CENPK: variants seen among roughly 807,000 people sequenced by gnomAD.
CENPK encodes the protein SoxLZ/Sox6-binding protein Solt.
In CENPK, 46 loss-of-function variants were observed where a neutral mutation model predicts 40.9. The ratio of observed to expected loss-of-function variants is 1.13; its 90% confidence interval spans 0.89 to 1.44. The LOEUF (loss-of-function observed/expected upper bound fraction) is 1.44, where lower values mean the gene tolerates loss of function less well. Ranked by LOEUF, CENPK falls within the 40% of genes most tolerant of loss-of-function variation. The pLI is 0.00. For synonymous variants in CENPK, 107 were observed against 104.4 expected (o/e 1.02, Z -0.15); for missense variants, 288 against 303.5 (o/e 0.95, Z 0.38).
Position 65,539,504 on chromosome 5 carries a change from G to T in CENPK, c.288+3298C>A, listed in dbSNP as rs1203582650. The stretch of plus-strand genomic sequence containing the variant: ...GTCCCAATTAACTCCCAACACAATA[G>T]GGTAAACATTAAATCTTAAGGCCCA... On this transcript the variant is annotated intron_variant, in intron 6 of 10. Coordinates refer to ENST00000396679, the MANE Select transcript of CENPK (RefSeq NM_022145.5). Among the ~76,000 whole-genome samples the T allele has an allele frequency of 4.6e-5, 7 of 152,224 alleles. No homozygotes were observed. In the East Asian group the frequency reaches 1.3e-3, roughly 29 times the overall value.
At chr5:65,562,922 T>C (rs1193167988) in intron 1 of CENPK, 176 bp downstream of exon 1, 2 of 161,998 alleles carry the variant, frequency 1.2e-5, no homozygotes, top group African/African-American at 4.8e-5. Flanking sequence ...CATCTTTCTC[T>C]AAATATTGGT....
At chr5:65,520,902 T>C (rs1445936340) in intron 10 of CENPK, among the ~76,000 whole-genome samples, 3 of 152,212 alleles carry the variant, frequency 2.0e-5, no homozygotes, top group Non-Finnish European at 2.9e-5. Flanking sequence ...ACTGATAATA[T>C]GGTTGAGGTT....
rs1195775126 is a variant in CENPK at position 65,518,109 on chromosome 5, A to G, written c.*366T>C. The stretch of plus-strand genomic sequence containing the variant: ...TAATTTCTAAATATAAAGAAGCACC[A>G]GCTGGAACTCAAAATGCATAAAAGA... On this transcript the variant is annotated 3_prime_UTR_variant, in exon 11 of 11. Coordinates refer to ENST00000396679, the MANE Select transcript of CENPK (RefSeq NM_022145.5). The G allele has an allele frequency of 6.5e-6, 1 of 153,274 alleles. No homozygotes were observed. Among genetic ancestry groups the G allele is most frequent in the Non-Finnish European group, 1.5e-5 (1 of 68,788 alleles). The allele number at this position is 153,274 out of a possible 1,614,324, so 9.5% of individuals were successfully genotyped here.
chr5:65,513,816 C>T (rs1742669768), downstream of CENPK, among the ~76,000 whole-genome samples: 1 of 152,154 alleles, frequency 6.6e-6, no homozygotes, highest in African/African-American at 2.4e-5. Flanking sequence ...ATCTGATGTC[C>T]CACCATTAAG....
intron 9 of CENPK, among the ~76,000 whole-genome samples, chr5:65,522,132 T>TA (rs961020865): frequency 6.6e-6 from 1 of 152,050 alleles, no homozygotes; most frequent in Admixed American, 6.6e-5. Flanking sequence ...TATAATCACA[T>TA]AAAAAAATTA....
chr5:65,540,877 G>A (rs939165225), intron 6 of CENPK, among the ~76,000 whole-genome samples: 3 of 150,640 alleles, frequency 2.0e-5, no homozygotes, highest in Non-Finnish European at 2.9e-5. Flanking sequence ...ACGCGATCAT[G>A]GCTCACTGCA....
At chr5:65,524,897 G>C (rs1048809239) in intron 9 of CENPK, among the ~76,000 whole-genome samples, 1 of 152,126 alleles carries the variant, frequency 6.6e-6, no homozygotes, top group Non-Finnish European at 1.5e-5. Context: ...GCCTAGAATT[G>C]AGATATGAAG....
the CENPK span, among the ~76,000 whole-genome samples, chr5:65,504,609 A>G: frequency 6.6e-6 from 1 of 152,046 alleles, no homozygotes; most frequent in South Asian, 2.1e-4. Context: ...TTTTTTTCCC[A>G]CTATGAATAG....
At chr5:65,499,333 A>G in the CENPK span, among the ~76,000 whole-genome samples, 2 of 151,116 alleles carry the variant, frequency 1.3e-5, no homozygotes, top group Non-Finnish European at 2.9e-5. Context: ...TGAGCAATTG[A>G]AAAACATTAA....
At chr5:65,535,950 G>A (rs191148854) in intron 6 of CENPK, among the ~76,000 whole-genome samples, 20 of 152,260 alleles carry the variant, frequency 1.3e-4, no homozygotes, top group Admixed American at 5.2e-4. Flanking sequence ...CTGAGTCACC[G>A]ATGGTATAAA....
intron 6 of CENPK, among the ~76,000 whole-genome samples, chr5:65,535,078 A>G (rs1358439598): frequency 6.6e-6 from 1 of 152,162 alleles, no homozygotes; most frequent in Non-Finnish European, 1.5e-5. Context: ...TTAGCCAGAC[A>G]TGGTGGTGCA....
At chr5:65,540,814 T>TC (rs1655337978) in intron 6 of CENPK, among the ~76,000 whole-genome samples, 1 of 151,210 alleles carries the variant, frequency 6.6e-6, no homozygotes, top group Non-Finnish European at 1.5e-5. Context: ...TATCCTTTTT[T>TC]TTTTTTTTTT....
intron 6 of CENPK, among the ~76,000 whole-genome samples, chr5:65,537,325 G>A (rs1168647285): frequency 1.3e-5 from 2 of 151,750 alleles, no homozygotes; most frequent in Non-Finnish European, 2.9e-5. Context: ...TTTTTTTTGA[G>A]ACGGAGTCTC....
At chr5:65,557,837 T>C (rs1251417579) in intron 2 of CENPK, among the ~76,000 whole-genome samples, 1 of 152,214 alleles carries the variant, frequency 6.6e-6, no homozygotes, top group Admixed American at 6.5e-5. Flanking sequence ...ATAACCTTCA[T>C]AGGAGTAGTT....
Position 65,563,162 on chromosome 5 carries a change from C to G in CENPK, c.-206G>C. On this transcript the variant is annotated 5_prime_UTR_variant, in exon 1 of 11. Transcript: ENST00000396679. ...GCAGGAAGCGCTTGCCAGCCCCGGA[C>G]TTCTGCGCGCGCTGCATGCCCATTG... 9.4e-7 allele frequency: 1 copy of G among 1,064,512 alleles called. No homozygotes were observed. The highest frequency in any genetic ancestry group is 1.3e-6 in the Non-Finnish European group (1 of 751,864). 65.9% of individuals were successfully genotyped at this position (1,064,512 alleles called of 1,614,324 possible).
chr5:65,557,967 T>C (rs1751270390), intron 2 of CENPK, among the ~76,000 whole-genome samples: 1 of 152,178 alleles, frequency 6.6e-6, no homozygotes, highest in South Asian at 2.1e-4. Flanking sequence ...TAGCCAGGCA[T>C]GGCAGCACAT....
At chr5:65,546,192 T>C (rs368475080) in intron 5 of CENPK, among the ~76,000 whole-genome samples, 16 of 151,638 alleles carry the variant, frequency 1.1e-4, no homozygotes, top group African/African-American at 3.6e-4. Flanking sequence ...ACTAGTTATA[T>C]GTTCTAGTTC....
chr5:65,555,550 A>G (rs1206644076), intron 2 of CENPK, among the ~76,000 whole-genome samples: 3 of 152,252 alleles, frequency 2.0e-5, no homozygotes, highest in Non-Finnish European at 4.4e-5. Flanking sequence ...TTACATTTTA[A>G]CAATACAACT....
intron 6 of CENPK, among the ~76,000 whole-genome samples, chr5:65,542,092 C>T (rs1401235438): frequency 1.3e-5 from 2 of 152,204 alleles, no homozygotes; most frequent in Non-Finnish European, 2.9e-5. Context: ...GCCCTACACT[C>T]AGCACCTAAT....
Sources: gnomAD v4.1 joint callset for allele counts (sites outside exome capture counted in the v4.1 genomes callset) on GRCh38, gnomAD v4.1.1 for gene constraint, MANE v1.5 for transcripts, NCBI Gene and HGNC (gene_info 2026-07-23, HGNC 2026-07-21) for gene names.